The following ARHGAP39 variants were observed in gnomAD, a reference collection of about 807,000 sequenced individuals.
ARHGAP39 encodes the protein rho GTPase-activating protein 39.
A neutral mutation model predicts 106.9 loss-of-function variants in ARHGAP39; 44 were observed. The ratio of observed to expected loss-of-function variants is 0.41; its 90% CI spans 0.32 to 0.53. The LOEUF (loss-of-function observed/expected upper bound fraction) is 0.53. Ranked by LOEUF, ARHGAP39 falls within the 20% of genes least tolerant of loss-of-function variation. The pLI is 0.21. For synonymous variants in ARHGAP39, 768 were observed against 693.2 expected (o/e 1.11, Z -1.69); for missense variants, 1,496 against 1,577.3 (o/e 0.95, Z 0.87).
chr8:144,554,163 G>A (rs1817827841), intron 4 of ARHGAP39, among the ~76,000 whole-genome samples: 1 of 152,238 alleles, frequency 6.6e-6, no homozygotes, highest in African/African-American at 2.4e-5. Context: ...GGACCTCCAG[G>A]AGGATCCTTG....
At chr8:144,639,608 G>C (rs1242617932) in intron 1 of ARHGAP39, among the ~76,000 whole-genome samples, 1 of 151,740 alleles carries the variant, frequency 6.6e-6, no homozygotes, top group Non-Finnish European at 1.5e-5. Flanking sequence ...GGTAAATTTT[G>C]TATTTACATC....
Position 144,547,144 on chromosome 8 carries a change from A to C in ARHGAP39, c.1942T>G (p.Tyr648Asp). ...VQTNLASPEPYLHPSQSEDLA... is the reference protein window; with the variant it reads ...VQTNLASPEPDLHPSQSEDLA... ...GCCCTCACCTGTGAGGGGTGGAGGT[A>C]GGGCTCTGGTGAGGCCAGGTTGGTC... The change falls in exon 5 of 12, where the codon TAC becomes GAC. Residue 648 changes from tyrosine to aspartate, a missense_variant. By Grantham distance (160) the Tyr-to-Asp change is radical. Coordinates refer to ENST00000377307, the MANE Select transcript of ARHGAP39 (RefSeq NM_025251.3). This position sits in a 1 kb window ranked among gnomAD's most constrained non-coding sequence, Gnocchi z 5.2. 6.2e-7 allele frequency: 1 copy of C among 1,602,908 alleles called. No homozygotes were observed. Among genetic ancestry groups the C allele is most frequent in the Non-Finnish European group, 8.5e-7 (1 of 1,174,704 alleles).
intron 1 of ARHGAP39, among the ~76,000 whole-genome samples, chr8:144,630,177 C>G (rs1821026176): frequency 6.6e-6 from 1 of 152,196 alleles, no homozygotes; most frequent in African/African-American, 2.4e-5. Flanking sequence ...TGCCCCAGCC[C>G]CAGCTAGGCC....
chr8:144,678,904 G>A (rs1328901240), intron 1 of ARHGAP39, among the ~76,000 whole-genome samples: 1 of 152,146 alleles, frequency 6.6e-6, no homozygotes. Flanking sequence ...GCCCCAGGAG[G>A]TACAGCGTAG....
At chr8:144,681,903 GA>G (rs1238850751) in intron 1 of ARHGAP39, among the ~76,000 whole-genome samples, 1 of 152,180 alleles carries the variant, frequency 6.6e-6, no homozygotes, top group African/African-American at 2.4e-5. Context: ...GGGAAGAGGT[GA>G]CCAGACTTGA....
intron 7 of ARHGAP39, among the ~76,000 whole-genome samples, chr8:144,534,678 T>C (rs1259636566): frequency 1.3e-5 from 2 of 152,214 alleles, no homozygotes; most frequent in African/African-American, 4.8e-5. Flanking sequence ...CACTGAGCTA[T>C]CTGCACAGCA....
chr8:144,603,966 A>G (rs955061254), intron 2 of ARHGAP39, among the ~76,000 whole-genome samples: 3 of 152,096 alleles, frequency 2.0e-5, no homozygotes, highest in African/African-American at 4.8e-5. Flanking sequence ...AGCAAGCGCA[A>G]TATCAACCCC....
In ARHGAP39 at chr8:144,646,222, G is replaced by A. The variant is rs1045018727; in HGVS notation, c.-82+39464C>T. 2.6e-5 allele frequency among the ~76,000 whole-genome samples: 4 copies of A among 152,182 alleles called. No homozygotes were observed. Among genetic ancestry groups the A allele is most frequent in the African/African-American group, 4.8e-5 (2 of 41,442 alleles). Reference sequence around the variant, plus strand: ...TCTCTGTGCAGACAGGGCAACAACCGCAAACGTGTTCAACAGGGAAGAGCA... The same window carrying A: ...TCTCTGTGCAGACAGGGCAACAACCACAAACGTGTTCAACAGGGAAGAGCA... On this transcript the variant is annotated intron_variant, in intron 1 of 11. Coordinates refer to ENST00000377307, the MANE Select transcript of ARHGAP39 (RefSeq NM_025251.3). This position sits in a 1 kb window ranked among gnomAD's most constrained non-coding sequence, Gnocchi z 5.7.
intron 1 of ARHGAP39, among the ~76,000 whole-genome samples, chr8:144,632,866 T>C (rs911694658): frequency 1.3e-5 from 2 of 152,252 alleles, no homozygotes; most frequent in African/African-American, 4.8e-5. Context: ...AGATATATTT[T>C]ACTTATTTTT....
intron 2 of ARHGAP39, among the ~76,000 whole-genome samples, chr8:144,597,009 G>A (rs1819647055): frequency 6.6e-6 from 1 of 152,220 alleles, no homozygotes. Flanking sequence ...CAACAGCAGA[G>A]GCCATGGCTT....
At chr8:144,600,813 G>A (rs984901000) in intron 2 of ARHGAP39, among the ~76,000 whole-genome samples, 8 of 149,576 alleles carry the variant, frequency 5.3e-5, no homozygotes, top group Non-Finnish European at 1.0e-4. Flanking sequence ...CTACCTGCGC[G>A]TGTGTGTGCG....
intron 6 of ARHGAP39, among the ~76,000 whole-genome samples, chr8:144,540,827 G>A (rs1330735517): frequency 6.6e-6 from 1 of 152,152 alleles, no homozygotes; most frequent in Non-Finnish European, 1.5e-5. Flanking sequence ...TATTTGAAAC[G>A]AAGTCCCTGT....
chr8:144,553,546 C>G (rs1251068131), intron 4 of ARHGAP39, among the ~76,000 whole-genome samples: 1 of 152,266 alleles, frequency 6.6e-6, no homozygotes, highest in Admixed American at 6.5e-5. Flanking sequence ...ACAAGCCCCC[C>G]GAGGCAGTAC....
intron 3 of ARHGAP39, among the ~76,000 whole-genome samples, chr8:144,574,378 T>TA (rs1818694005): frequency 6.7e-6 from 1 of 150,092 alleles, no homozygotes; most frequent in Non-Finnish European, 1.5e-5. Flanking sequence ...CTATAAAAAA[T>TA]AAAAAAATTA....
At chr8:144,581,944 CA>C (rs528951244) in intron 2 of ARHGAP39, among the ~76,000 whole-genome samples, 1 of 152,218 alleles carries the variant, frequency 6.6e-6, no homozygotes, top group African/African-American at 2.4e-5. Flanking sequence ...AGCCTCTCAG[CA>C]AAGATGCTGC....
intron 3 of ARHGAP39, among the ~76,000 whole-genome samples, chr8:144,570,330 A>G (rs1818543054): frequency 6.6e-6 from 1 of 152,236 alleles, no homozygotes; most frequent in African/African-American, 2.4e-5. Context: ...CAATGACTGG[A>G]ACAATCCTGC....
rs971058796 is a variant in ARHGAP39, at chr8:144,585,608, G to A, written c.81-4331C>T. Among the ~76,000 whole-genome samples, 1 of 152,176 alleles carries A rather than the reference G, an allele frequency of 6.6e-6. No homozygotes were observed. The highest frequency in any genetic ancestry group is 1.5e-5 in the Non-Finnish European group (1 of 68,020). On this transcript the variant is annotated intron_variant, in intron 2 of 11. Transcript: ENST00000377307. The surrounding 1 kb of genome is among the most constrained non-coding windows in gnomAD (Gnocchi z 4.6). ...TTAGAAACACAGGGACACCAACATG[G>A]TGCACCTCGAACCCCCACAGCTCAG...
In ARHGAP39 at chr8:144,545,538, G is replaced by A. The variant is rs144121067; in HGVS notation, c.2232C>T (p.Cys744=). 536 of 1,613,470 alleles carry A rather than the reference G, an allele frequency of 3.3e-4. 1 individual carries two copies. The highest frequency in any genetic ancestry group is 9.9e-4 in the Middle Eastern group (6 of 6,084). ...TSDRHVKKEA[C]ELFKLIQMYM... is the part of the protein sequence containing the mutation. Reference sequence around the variant, plus strand: ...ACATCTGGATCAGCTTGAAGAGCTCGCAGGCCTCCTTCTTCACGTGCCGGT... The same window carrying A: ...ACATCTGGATCAGCTTGAAGAGCTCACAGGCCTCCTTCTTCACGTGCCGGT... Residue 744 remains cysteine, a synonymous_variant, in exon 6 of 12, where the codon TGC becomes TGT. Transcript: ENST00000377307.
intron 1 of ARHGAP39, among the ~76,000 whole-genome samples, chr8:144,606,045 G>A (rs763758037): frequency 6.6e-6 from 1 of 152,196 alleles, no homozygotes; most frequent in African/African-American, 2.4e-5. Context: ...GGAGGAGGGC[G>A]AACAGGAGGA....
Sources: gnomAD v4.1 joint callset for allele counts (sites outside exome capture counted in the v4.1 genomes callset) on GRCh38, gnomAD v4.1.1 for gene constraint, Gnocchi (gnomAD v3.1) non-coding constraint, MANE v1.5 for transcripts, NCBI Gene and HGNC (gene_info 2026-07-23, HGNC 2026-07-21) for gene names.